The following SCARA3 variants were observed in gnomAD, a reference collection of about 807,000 sequenced individuals.
The protein encoded by SCARA3 is cellular stress response gene protein.
In SCARA3, 39 loss-of-function variants were observed where a neutral mutation model predicts 47.0. That is an observed-to-expected ratio of 0.83 (90% CI 0.64 to 1.08). The LOEUF (loss-of-function observed/expected upper bound fraction) is 1.08. Ranked by LOEUF, SCARA3 falls within the 50% of genes least tolerant of loss-of-function variation. The pLI is 0.00. For synonymous variants in SCARA3, 356 were observed against 334.1 expected (o/e 1.07, Z -0.71); for missense variants, 724 against 792.3 (o/e 0.91, Z 1.04).
chr8:27,708,668 C>G, the SCARA3 span, among the ~76,000 whole-genome samples: 1 of 151,856 alleles, frequency 6.6e-6, no homozygotes, highest in African/African-American at 2.4e-5. Context: ...AGATATGAGA[C>G]AGATAATAAC....
At chr8:27,648,831 G>C (rs943400906) in intron 1 of SCARA3, among the ~76,000 whole-genome samples, 1 of 150,066 alleles carries the variant, frequency 6.7e-6, no homozygotes, top group Non-Finnish European at 1.5e-5. Context: ...AGAGAAAGGA[G>C]GGAGGGAGGG....
the SCARA3 span, among the ~76,000 whole-genome samples, chr8:27,704,352 G>A: frequency 3.3e-5 from 5 of 152,044 alleles, no homozygotes; most frequent in African/African-American, 1.2e-4. Context: ...AGACTTAGGA[G>A]GAAGGATTGC....
At chr8:27,691,121 C>T in the SCARA3 span, among the ~76,000 whole-genome samples, 1 of 152,110 alleles carries the variant, frequency 6.6e-6, no homozygotes. Flanking sequence ...TACTCTTCTG[C>T]CCCTTTTGAA....
chr8:27,649,360 G>A (rs1554537569), intron 1 of SCARA3, among the ~76,000 whole-genome samples: 2 of 152,210 alleles, frequency 1.3e-5, no homozygotes, highest in Non-Finnish European at 2.9e-5. Flanking sequence ...GGAATAGAAG[G>A]ACGCTAAGCC....
At chr8:27,685,721 A>G in the SCARA3 span, among the ~76,000 whole-genome samples, 8 of 152,174 alleles carry the variant, frequency 5.3e-5, no homozygotes, top group Non-Finnish European at 1.2e-4. Flanking sequence ...ACACAACACC[A>G]CCTATGAAGT....
At chr8:27,703,499 A>G in the SCARA3 span, 140,224 of 152,432 alleles carry the variant, frequency 0.92, 65,654 homozygotes, top group Non-Finnish European at 1. Flanking sequence ...AAGGCAACAG[A>G]CTGCGGCTCC....
At chr8:27,665,998 G>A (rs1286433892) in intron 5 of SCARA3, among the ~76,000 whole-genome samples, 1 of 152,252 alleles carries the variant, frequency 6.6e-6, no homozygotes, top group African/African-American at 2.4e-5. Context: ...ATCTGCAAAT[G>A]TGTTGTTCTA....
intron 2 of SCARA3, 124 bp from the exon 3 acceptor site, chr8:27,651,384 C>A: frequency 1.7e-6 from 2 of 1,200,040 alleles, no homozygotes; most frequent in Non-Finnish European, 2.3e-6. Context: ...GGGTCGAGAA[C>A]AGCTCCCCTT....
chr8:27,686,266 C>A, the SCARA3 span, among the ~76,000 whole-genome samples: 1 of 151,822 alleles, frequency 6.6e-6, no homozygotes, highest in African/African-American at 2.4e-5. Context: ...CATAGGGAGG[C>A]CCCTTCTCTA....
the SCARA3 span, among the ~76,000 whole-genome samples, chr8:27,711,322 C>G: frequency 6.6e-6 from 1 of 152,198 alleles, no homozygotes; most frequent in Non-Finnish European, 1.5e-5. Context: ...GGTATTGCAT[C>G]TTCACTTACT....
At chr8:27,696,007 GA>G in the SCARA3 span, among the ~76,000 whole-genome samples, 1 of 151,354 alleles carries the variant, frequency 6.6e-6, no homozygotes, top group African/African-American at 2.4e-5. Context: ...TAGGAATAAA[GA>G]TTTTTTTTAT....
intron 3 of SCARA3, among the ~76,000 whole-genome samples, chr8:27,653,745 A>G (rs1238316680): frequency 1.3e-5 from 2 of 152,182 alleles, no homozygotes; most frequent in Non-Finnish European, 2.9e-5. Context: ...TTCTAAATCA[A>G]GAGCATACTG....
the SCARA3 span, among the ~76,000 whole-genome samples, chr8:27,700,481 C>T: frequency 6.6e-6 from 1 of 152,158 alleles, no homozygotes; most frequent in East Asian, 1.9e-4. Context: ...GTGGTGGGCT[C>T]CTGTAGTCCC....
the SCARA3 span, among the ~76,000 whole-genome samples, chr8:27,720,364 C>T: frequency 6.6e-6 from 1 of 152,048 alleles, no homozygotes; most frequent in Admixed American, 6.6e-5. Context: ...ACATTACAAA[C>T]ACGAAATTAG....
Position 27,667,403 on chromosome 8 carries a change from A to G in SCARA3, c.1370-3497A>G, listed in dbSNP as rs1385623283. Among the ~76,000 whole-genome samples the G allele has an allele frequency of 2.0e-5, 3 of 152,200 alleles. No individual in the cohort carries two copies. The East Asian group carries it at 5.8e-4, about 29-fold the overall frequency. On this transcript the variant is annotated intron_variant, in intron 5 of 5. Transcript: ENST00000301904. ...GCTCTGGGGTCTTCCTCCTCCAGGC[A>G]GCACCTAGGATTGCAGCCTCTCCTT...
At chr8:27,691,501 C>T in the SCARA3 span, among the ~76,000 whole-genome samples, 30 of 152,176 alleles carry the variant, frequency 2.0e-4, no homozygotes, top group Admixed American at 7.2e-4. Flanking sequence ...TTATAGTTCA[C>T]GTTGGCAGCC....
the SCARA3 span, among the ~76,000 whole-genome samples, chr8:27,727,385 CGCGTGAT>C: frequency 6.6e-6 from 1 of 152,216 alleles, no homozygotes; most frequent in Admixed American, 6.5e-5. Flanking sequence ...GCTGAACCTC[CGCGTGAT>C]GCGCGCCGAG....
the SCARA3 span, among the ~76,000 whole-genome samples, chr8:27,706,362 A>C: frequency 6.6e-6 from 1 of 152,082 alleles, no homozygotes; most frequent in Non-Finnish European, 1.5e-5. Flanking sequence ...CGTGTTGGCC[A>C]GGCTGGTTTT....
intron 3 of SCARA3, 43 bp downstream of exon 3, chr8:27,651,670 TG>T: frequency 3.7e-6 from 6 of 1,606,114 alleles, no homozygotes; most frequent in Non-Finnish European, 5.1e-6. Context: ...GGGGGGTGTC[TG>T]ATCAGGGATC....
Sources: allele counts gnomAD v4.1 joint callset (sites outside exome capture counted in the v4.1 genomes callset), GRCh38; gene constraint gnomAD v4.1.1; transcripts MANE v1.5; gene names NCBI Gene and HGNC (gene_info 2026-07-23, HGNC 2026-07-21).